Variants in DGKB observed in about 807,000 individuals in gnomAD.
The protein encoded by DGKB is diacylglycerol kinase beta.
DGKB carries 67 observed loss-of-function variants against 114.3 expected under a neutral mutation model. The ratio of observed to expected loss-of-function variants is 0.59; its 90% confidence interval spans 0.48 to 0.72. The LOEUF is 0.72. Ranked by LOEUF, DGKB falls within the 30% of genes least tolerant of loss-of-function variation. The pLI is 0.00. For missense variants in DGKB, 907 were observed against 975.2 expected (o/e 0.93, Z 0.93); for synonymous variants, 398 against 323.1 (o/e 1.23, Z -2.49).
chr7:14,218,046 T>G (rs747787103), intron 23 of DGKB, among the ~76,000 whole-genome samples: 13 of 152,136 alleles, frequency 8.5e-5, no homozygotes, highest in Non-Finnish European at 1.3e-4. Context: ...TAAAATAAAA[T>G]AAGCTTTATT....
intron 13 of DGKB, among the ~76,000 whole-genome samples, chr7:14,658,780 A>T (rs1275128136): frequency 1.3e-5 from 2 of 151,776 alleles, no homozygotes; most frequent in South Asian, 2.1e-4. Flanking sequence ...ATAAAACAGG[A>T]TTAATTAATT....
chr7:14,444,070 CAT>C (rs1411193451), intron 21 of DGKB, among the ~76,000 whole-genome samples: 1 of 151,480 alleles, frequency 6.6e-6, no homozygotes, highest in Non-Finnish European at 1.5e-5. Context: ...TTTAAATATT[CAT>C]ATTTTACATT....
intron 21 of DGKB, among the ~76,000 whole-genome samples, chr7:14,371,877 G>C (rs1266196807): frequency 6.6e-6 from 1 of 152,164 alleles, no homozygotes; most frequent in Admixed American, 6.5e-5. Context: ...AGTTCTGGCT[G>C]TGGAGGCTCC....
intron 21 of DGKB, among the ~76,000 whole-genome samples, chr7:14,450,012 T>A (rs999836916): frequency 6.6e-6 from 1 of 152,096 alleles, no homozygotes; most frequent in Admixed American, 6.6e-5. Flanking sequence ...AAGTTCATTA[T>A]GTATTACTTG....
intron 9 of DGKB, among the ~76,000 whole-genome samples, chr7:14,693,758 G>C (rs568430860): frequency 6.6e-6 from 1 of 151,942 alleles, no homozygotes; most frequent in Non-Finnish European, 1.5e-5. Context: ...TAATACTGGA[G>C]AGCCTCTTGC....
intron 23 of DGKB, among the ~76,000 whole-genome samples, chr7:14,271,003 G>A (rs760289470): frequency 6.6e-6 from 1 of 152,148 alleles, no homozygotes; most frequent in South Asian, 2.1e-4. Context: ...AACTACTAAC[G>A]TGTTAACTGT....
intron 21 of DGKB, among the ~76,000 whole-genome samples, chr7:14,353,473 G>A (rs909841627): frequency 1.3e-5 from 2 of 152,128 alleles, no homozygotes; most frequent in Non-Finnish European, 2.9e-5. Context: ...TGGAGATGAA[G>A]CAGCCTTCTT....
chr7:14,613,193 A>T, intron 16 of DGKB, 147 bp downstream of exon 16: 1 of 588,490 alleles, frequency 1.7e-6, no homozygotes, highest in East Asian at 2.8e-5. Context: ...AAACAAGATC[A>T]TATAAACATA....
intron 21 of DGKB, among the ~76,000 whole-genome samples, chr7:14,429,865 TGTA>T (rs1357859110): frequency 6.6e-6 from 1 of 152,000 alleles, no homozygotes; most frequent in African/African-American, 2.4e-5. Flanking sequence ...AGGCGGAGGT[TGTA>T]GTGAGCTGAG....
At chr7:14,382,029 AAGTTC>A (rs1819559868) in intron 21 of DGKB, among the ~76,000 whole-genome samples, 1 of 152,208 alleles carries the variant, frequency 6.6e-6, no homozygotes, top group Non-Finnish European at 1.5e-5. Flanking sequence ...ACATGAATTC[AAGTTC>A]AGTTATCATT....
intron 17 of DGKB, among the ~76,000 whole-genome samples, chr7:14,584,646 CTTTTTAT>C (rs1800455324): frequency 6.6e-6 from 1 of 151,726 alleles, no homozygotes; most frequent in African/African-American, 2.4e-5. Context: ...ATTGAATTGC[CTTTTTAT>C]TTTTTATTTT....
At chr7:14,840,513 C>A (rs1442720256) in intron 2 of DGKB, among the ~76,000 whole-genome samples, 1 of 152,060 alleles carries the variant, frequency 6.6e-6, no homozygotes, top group Non-Finnish European at 1.5e-5. Flanking sequence ...TCTACATATG[C>A]AAAGAAACAA....
At chr7:14,376,327 C>T (rs147913540) in intron 21 of DGKB, among the ~76,000 whole-genome samples, 12 of 152,218 alleles carry the variant, frequency 7.9e-5, no homozygotes, top group Non-Finnish European at 4.4e-5. Context: ...TCTGAAAATT[C>T]GCCTTAATTT....
At chr7:14,244,156 C>A (rs915285631) in intron 23 of DGKB, among the ~76,000 whole-genome samples, 1 of 151,938 alleles carries the variant, frequency 6.6e-6, no homozygotes, top group African/African-American at 2.4e-5. Flanking sequence ...AAAAGGAGAT[C>A]GAAAGTGGAC....
chr7:14,825,482 A>T (rs1845577355), intron 2 of DGKB, among the ~76,000 whole-genome samples: 1 of 152,238 alleles, frequency 6.6e-6, no homozygotes, highest in African/African-American at 2.4e-5. Context: ...ATATTTTCAT[A>T]AGGAGCACAC....
chr7:14,191,885 G>A, intron 23 of DGKB: 1 of 533,254 alleles, frequency 1.9e-6, no homozygotes, highest in South Asian at 1.5e-5. Flanking sequence ...CCAGTTTGCT[G>A]AGCTGAAGGA....
intron 1 of DGKB, among the ~76,000 whole-genome samples, chr7:14,933,258 T>C (rs1785120198): frequency 6.6e-6 from 1 of 152,208 alleles, no homozygotes; most frequent in African/African-American, 2.4e-5. Context: ...AGAACATACT[T>C]AAACTTTTCC....
At chr7:14,270,074 A>AAAG (rs1798066015) in intron 23 of DGKB, among the ~76,000 whole-genome samples, 1 of 147,148 alleles carries the variant, frequency 6.8e-6, no homozygotes, top group Non-Finnish European at 1.5e-5. Context: ...AAAAAAAAAA[A>AAAG]AGAGAGAGAT....
At chr7:14,542,170 T>C (rs910436202) in intron 20 of DGKB, among the ~76,000 whole-genome samples, 2 of 152,010 alleles carry the variant, frequency 1.3e-5, no homozygotes, top group Non-Finnish European at 2.9e-5. Flanking sequence ...TAAATTAATA[T>C]ATCTATTTAT....
Sources: gnomAD v4.1 joint callset for allele counts (sites outside exome capture counted in the v4.1 genomes callset) on GRCh38, gnomAD v4.1.1 for gene constraint, MANE v1.5 for transcripts, NCBI Gene and HGNC (gene_info 2026-07-23, HGNC 2026-07-21) for gene names.